DCC: variants seen among roughly 807,000 people sequenced by gnomAD.
The protein encoded by DCC is DCC netrin 1 receptor.
In DCC, 58 loss-of-function variants were observed where a neutral mutation model predicts 172.5. The ratio of observed to expected loss-of-function variants is 0.34; its 90% CI spans 0.27 to 0.42. The LOEUF (loss-of-function observed/expected upper bound fraction) is 0.42. Ranked by LOEUF, DCC falls within the 10% of genes least tolerant of loss-of-function variation. The pLI is 1.00. For synonymous variants in DCC, 709 were observed against 644.5 expected, an observed-to-expected ratio of 1.10 and a Z score of -1.52; for missense variants, 1,740 against 1,791.0, an observed-to-expected ratio of 0.97 and a Z score of 0.51.
At chr18:53,459,193 TA>T in intron 23 of DCC, 38 bp from the exon 24 acceptor site, 1 of 1,471,744 alleles carries the variant, frequency 6.8e-7, no homozygotes, top group Non-Finnish European at 9.5e-7. Context: ...TGCCATTGAA[TA>T]GAGGTTCTCA....
At chr18:52,513,481 T>C (rs1442432466) in intron 1 of DCC, among the ~76,000 whole-genome samples, 1 of 152,212 alleles carries the variant, frequency 6.6e-6, no homozygotes, top group Non-Finnish European at 1.5e-5. Flanking sequence ...TGTTAAGCAT[T>C]ATGGTTTTTT....
chr18:52,901,053 C>T (rs915439058), intron 2 of DCC, among the ~76,000 whole-genome samples: 10 of 152,106 alleles, frequency 6.6e-5, no homozygotes, highest in South Asian at 4.1e-4. Context: ...CACATATAAA[C>T]GAACGTCTTT....
At chr18:53,351,256 G>A (rs1396555970) in intron 15 of DCC, among the ~76,000 whole-genome samples, 4 of 123,518 alleles carry the variant, frequency 3.2e-5, no homozygotes, top group African/African-American at 1.2e-4. Flanking sequence ...TATTAGCATT[G>A]AACAGGAGAA....
intron 1 of DCC, chr18:52,419,550 A>G (rs1338903101): frequency 6.6e-6 from 1 of 152,206 alleles, no homozygotes; most frequent in Non-Finnish European, 1.5e-5. Context: ...GGTGAAATAA[A>G]GGAAACTATA....
intron 8 of DCC, among the ~76,000 whole-genome samples, chr18:53,164,822 T>C (rs184176156): frequency 9.1e-4 from 138 of 152,312 alleles, no homozygotes; most frequent in Non-Finnish European, 1.7e-3. Flanking sequence ...CTTTATTACT[T>C]TCATAAGCAT....
chr18:53,396,572 TA>T (rs1908959146), intron 17 of DCC, among the ~76,000 whole-genome samples: 1 of 152,176 alleles, frequency 6.6e-6, no homozygotes, highest in Non-Finnish European at 1.5e-5. Flanking sequence ...TTACCATCGT[TA>T]AATGTTTGTT....
chr18:52,816,604 C>T (rs2038302595), intron 2 of DCC: 1 of 152,156 alleles, frequency 6.6e-6, no homozygotes, highest in African/African-American at 2.4e-5. Context: ...ATCGATCACA[C>T]CACTGAGTGT....
chr18:52,529,132 A>T (rs1447623569), intron 1 of DCC, among the ~76,000 whole-genome samples: 1 of 152,226 alleles, frequency 6.6e-6, no homozygotes, highest in Non-Finnish European at 1.5e-5. Context: ...AGAAAAGAAG[A>T]CATGGTTTCC....
intron 25 of DCC, among the ~76,000 whole-genome samples, chr18:53,482,322 T>TACA (rs1210982962): frequency 6.6e-6 from 1 of 152,124 alleles, no homozygotes; most frequent in African/African-American, 2.4e-5. Flanking sequence ...TGCAGAAACA[T>TACA]ACAACAGATT....
At chr18:52,738,193 G>C (rs955748055) in intron 1 of DCC, among the ~76,000 whole-genome samples, 2 of 152,080 alleles carry the variant, frequency 1.3e-5, no homozygotes, top group African/African-American at 4.8e-5. Context: ...ATACTGATAA[G>C]CATGGTTTTT....
intron 2 of DCC, among the ~76,000 whole-genome samples, chr18:52,830,649 A>G (rs16955635): frequency 0.12 from 18,793 of 152,156 alleles, 2,359 homozygotes; most frequent in East Asian, 0.59. Flanking sequence ...ATTTATAGAT[A>G]TAATTGTTGA....
intron 12 of DCC, among the ~76,000 whole-genome samples, chr18:53,254,244 T>A (rs946910284): frequency 2.6e-5 from 4 of 152,060 alleles, no homozygotes; most frequent in Admixed American, 2.6e-4. Flanking sequence ...TCTGAAATGA[T>A]AACTTTTTCC....
rs1555685261 is a variant in DCC at position 52,943,746 on chromosome 18, T to TTG, written c.985+18377_985+18378insGT. On this transcript the variant is annotated intron_variant, in intron 5 of 28. Coordinates refer to ENST00000442544, the MANE Select transcript of DCC (RefSeq NM_005215.4). ...AGGACTGGCAATTTATGGTTTTTTT[T>TTG]TTTGTTTGTTTTGTTTTGTTTGAGA... 1.6e-3 allele frequency among the ~76,000 whole-genome samples: 242 copies of TTG among 151,874 alleles called. 1 individual carries two copies. The highest frequency in any genetic ancestry group is 5.3e-3 in the African/African-American group (220 of 41,410).
chr18:53,147,292 G>A (rs2043930012), intron 7 of DCC, among the ~76,000 whole-genome samples: 2 of 152,312 alleles, frequency 1.3e-5, no homozygotes, highest in South Asian at 4.1e-4. Flanking sequence ...AGGACTAGAA[G>A]TAGTCGGGGC....
intron 15 of DCC, among the ~76,000 whole-genome samples, chr18:53,369,727 C>G (rs553883700): frequency 6.6e-6 from 1 of 151,656 alleles, no homozygotes; most frequent in Non-Finnish European, 1.5e-5. Flanking sequence ...CAATTGATGA[C>G]GTGGTGGTTT....
At chr18:52,838,526 G>T (rs570113333) in intron 2 of DCC, among the ~76,000 whole-genome samples, 3 of 152,072 alleles carry the variant, frequency 2.0e-5, no homozygotes, top group East Asian at 1.9e-4. Context: ...AGAAGAAAAA[G>T]AAAACTTAAT....
intron 2 of DCC, among the ~76,000 whole-genome samples, chr18:52,894,222 T>G (rs2039694141): frequency 6.6e-6 from 1 of 152,124 alleles, no homozygotes; most frequent in South Asian, 2.1e-4. Context: ...CTTTCATTTT[T>G]GTCACAGTGC....
chr18:53,459,484 G>T, intron 24 of DCC, 26 bp downstream of exon 24: 2 of 1,432,782 alleles, frequency 1.4e-6, no homozygotes, highest in Non-Finnish European at 9.8e-7. Flanking sequence ...CTGGCATTAG[G>T]GAAAACATAC....
intron 5 of DCC, among the ~76,000 whole-genome samples, chr18:52,990,915 ATTAAT>A (rs1272097367): frequency 3.0e-5 from 4 of 134,836 alleles, no homozygotes; most frequent in South Asian, 2.6e-4. Context: ...GAGCCAATCA[ATTAAT>A]TTAATCCTTA....
Sources: gnomAD v4.1 joint callset for allele counts (sites outside exome capture counted in the v4.1 genomes callset) on GRCh38, gnomAD v4.1.1 for gene constraint, MANE v1.5 for transcripts, NCBI Gene and HGNC (gene_info 2026-07-23, HGNC 2026-07-21) for gene names.